SHISA9: variants seen among roughly 807,000 people sequenced by gnomAD.
The protein encoded by SHISA9 is shisa family member 9, also known as protein shisa-9.
A neutral mutation model predicts 38.0 loss-of-function variants in SHISA9; 13 were observed. That is an observed-to-expected ratio of 0.34 (90% CI 0.22 to 0.54). The LOEUF (loss-of-function observed/expected upper bound fraction) is 0.54, where lower values mean the gene tolerates loss of function less well. Among genes scored for constraint, SHISA9 ranks in the 20% least tolerant of loss-of-function variants. SHISA9 has a pLI of 0.91. For missense variants in SHISA9, 538 were observed against 575.8 expected, an observed-to-expected ratio of 0.93 and a Z score of 0.67; for synonymous variants, 275 against 242.0, an observed-to-expected ratio of 1.14 and a Z score of -1.27.
chr16:13,428,199 G>A, the SHISA9 span, among the ~76,000 whole-genome samples: 1 of 74,148 alleles, frequency 1.3e-5, no homozygotes, highest in African/African-American at 4.4e-5. Flanking sequence ...GTTTTTATTT[G>A]TTGTGGGTAA....
At chr16:13,559,034 G>T in the SHISA9 span, among the ~76,000 whole-genome samples, 2 of 152,156 alleles carry the variant, frequency 1.3e-5, no homozygotes, top group Non-Finnish European at 2.9e-5. Flanking sequence ...ATTATTATTT[G>T]CCTTCCCCAC....
chr16:13,303,009 T>G, the SHISA9 span, among the ~76,000 whole-genome samples: 141 of 152,230 alleles, frequency 9.3e-4, no homozygotes, highest in Non-Finnish European at 1.6e-3. Flanking sequence ...CAGTTAAACC[T>G]CTTCCTTTAT....
intron 1 of SHISA9, among the ~76,000 whole-genome samples, chr16:12,915,699 A>G (rs2071244561): frequency 6.6e-6 from 1 of 152,194 alleles, no homozygotes; most frequent in East Asian, 1.9e-4. Flanking sequence ...ACGGAATACT[A>G]TGCAGCGGCT....
At chr16:13,247,456 G>A in the SHISA9 span, among the ~76,000 whole-genome samples, 1 of 152,126 alleles carries the variant, frequency 6.6e-6, no homozygotes, top group African/African-American at 2.4e-5. Flanking sequence ...TCTTACTCAA[G>A]GTCACAGAGC....
chr16:13,116,186 C>T (rs554288160), intron 2 of SHISA9, among the ~76,000 whole-genome samples: 2 of 152,226 alleles, frequency 1.3e-5, no homozygotes, highest in South Asian at 2.1e-4. Flanking sequence ...TAAGCTGATG[C>T]CTGGGATACA....
At chr16:13,441,794 G>T in the SHISA9 span, among the ~76,000 whole-genome samples, 3 of 152,136 alleles carry the variant, frequency 2.0e-5, no homozygotes, top group South Asian at 4.1e-4. Flanking sequence ...AAACTGGGAT[G>T]ACTTAAGCAT....
intron 2 of SHISA9, among the ~76,000 whole-genome samples, chr16:12,922,798 G>A (rs555710174): frequency 6.6e-6 from 1 of 151,982 alleles, no homozygotes; most frequent in Admixed American, 6.6e-5. Flanking sequence ...GGGATTACAG[G>A]TGTGAGCCAC....
chr16:13,482,965 G>C, the SHISA9 span, among the ~76,000 whole-genome samples: 1 of 152,152 alleles, frequency 6.6e-6, no homozygotes, highest in Non-Finnish European at 1.5e-5. Context: ...GTAACTCGGA[G>C]AAAAACTAAC....
chr16:13,403,003 G>A, the SHISA9 span, among the ~76,000 whole-genome samples: 5 of 152,054 alleles, frequency 3.3e-5, no homozygotes, highest in South Asian at 2.1e-4. Flanking sequence ...CTGTAGTCCC[G>A]GTTACTCAGG....
the SHISA9 span, among the ~76,000 whole-genome samples, chr16:13,557,759 G>A: frequency 6.6e-6 from 1 of 152,116 alleles, no homozygotes; most frequent in African/African-American, 2.4e-5. Context: ...CCAGGAAGGA[G>A]ATGAACGTGA....
At chr16:13,179,033 C>G (rs1242622585) in intron 2 of SHISA9, among the ~76,000 whole-genome samples, 3 of 152,090 alleles carry the variant, frequency 2.0e-5, no homozygotes, top group Non-Finnish European at 4.4e-5. Context: ...CAACATCATC[C>G]CTCTAGGCTG....
the SHISA9 span, among the ~76,000 whole-genome samples, chr16:13,329,075 C>T: frequency 6.6e-6 from 1 of 151,976 alleles, no homozygotes; most frequent in East Asian, 1.9e-4. Flanking sequence ...TTTGCTAAAC[C>T]TCATGTACAG....
chr16:13,546,757 C>A, the SHISA9 span, among the ~76,000 whole-genome samples: 5 of 152,152 alleles, frequency 3.3e-5, no homozygotes, highest in Admixed American at 1.3e-4. Flanking sequence ...CATATTCACC[C>A]ATTTTTACAT....
At chr16:12,974,728 C>T (rs764968742) in intron 2 of SHISA9, among the ~76,000 whole-genome samples, 64 of 152,088 alleles carry the variant, frequency 4.2e-4, no homozygotes, top group Non-Finnish European at 7.2e-4. Flanking sequence ...GGTGATCCAC[C>T]TGCCTCGGCC....
At chr16:13,070,526 G>C (rs2073501303) in intron 2 of SHISA9, among the ~76,000 whole-genome samples, 2 of 152,212 alleles carry the variant, frequency 1.3e-5, no homozygotes, top group Non-Finnish European at 2.9e-5. Context: ...GTGGCTGCTA[G>C]GGCTTCTCAG....
chr16:12,960,497 C>T (rs1460584891), intron 2 of SHISA9, among the ~76,000 whole-genome samples: 1 of 151,980 alleles, frequency 6.6e-6, no homozygotes, highest in Non-Finnish European at 1.5e-5. Flanking sequence ...TTCACAATAG[C>T]AAAGACATGG....
intron 2 of SHISA9, among the ~76,000 whole-genome samples, chr16:12,981,372 G>A (rs1004673933): frequency 6.6e-6 from 1 of 152,232 alleles, no homozygotes; most frequent in African/African-American, 2.4e-5. Flanking sequence ...AATGGCAGGG[G>A]AGCAGACAGA....
chr16:13,211,222 G>A (rs779418783), intron 3 of SHISA9, among the ~76,000 whole-genome samples: 15 of 151,522 alleles, frequency 9.9e-5, no homozygotes, highest in Non-Finnish European at 1.8e-4. Context: ...ACTTGAACCC[G>A]GGGGGCAGTG....
chr16:13,028,991 T>C (rs1383756126), intron 2 of SHISA9, among the ~76,000 whole-genome samples: 1 of 152,212 alleles, frequency 6.6e-6, no homozygotes, highest in Non-Finnish European at 1.5e-5. Context: ...CAAATGCAAT[T>C]GAGGTCTTCT....
Sources: gnomAD v4.1 joint callset for allele counts (sites outside exome capture counted in the v4.1 genomes callset) on GRCh38, gnomAD v4.1.1 for gene constraint, MANE v1.5 for transcripts, NCBI Gene and HGNC (gene_info 2026-07-23, HGNC 2026-07-21) for gene names.